CNTLN: variants seen among roughly 807,000 people sequenced by gnomAD.
CNTLN encodes the protein centlein, centrosomal protein.
In CNTLN, 212 loss-of-function variants were observed where a neutral mutation model predicts 180.0. The ratio of observed to expected loss-of-function variants is 1.18; its 90% CI spans 1.05 to 1.32. CNTLN has a LOEUF of 1.32. Ranked by LOEUF, CNTLN falls within the 40% of genes most tolerant of loss-of-function variation. The pLI is 0.00. For synonymous variants in CNTLN, 722 were observed against 563.1 expected, an observed-to-expected ratio of 1.28 and a Z score of -3.99; for missense variants, 2,095 against 1,610.9, an observed-to-expected ratio of 1.30 and a Z score of -5.14.
rs1828185413 is a variant in CNTLN at position 17,415,886 on chromosome 9, G to A, written c.2890+5G>A. ...ATACAGCAGTTCCTACTAGAGGTAA[G>A]AATGTATATGCAATTAACAATATGT... On this transcript the variant is annotated splice_donor_5th_base_variant and intron_variant, in intron 17 of 25. Transcript: ENST00000380647. 6.3e-7 allele frequency: 1 copy of A among 1,598,878 alleles called. No individual in the cohort carries two copies. Among genetic ancestry groups the A allele is most frequent in the South Asian group, 1.1e-5 (1 of 89,212 alleles).
At chr9:17,145,782 T>G (rs1818414981) in intron 2 of CNTLN, among the ~76,000 whole-genome samples, 1 of 152,242 alleles carries the variant, frequency 6.6e-6, no homozygotes, top group African/African-American at 2.4e-5. Flanking sequence ...GATGCCAGAT[T>G]ATCCGTTTCT....
At chr9:17,526,138 T>G in the CNTLN span, among the ~76,000 whole-genome samples, 28 of 152,234 alleles carry the variant, frequency 1.8e-4, no homozygotes, top group African/African-American at 6.7e-4. Flanking sequence ...GATTTCACCA[T>G]GTTATCCAGG....
At position 17,384,204 on chromosome 9, in the gene CNTLN, G is replaced by A. The variant is rs1181474366; in HGVS notation, c.1988-3958G>A. 2.0e-5 allele frequency among the ~76,000 whole-genome samples: 3 copies of A among 151,408 alleles called. No homozygotes were observed. The East Asian group carries it at 5.8e-4, about 30-fold the overall frequency. Reference sequence around the variant, plus strand: ...ATTCATCCAGCGAGCTAATAGGATCGAGTTCATCAAGTCCCCAGCTTAAAG... The same window carrying A: ...ATTCATCCAGCGAGCTAATAGGATCAAGTTCATCAAGTCCCCAGCTTAAAG... On this transcript the variant is annotated intron_variant, in intron 13 of 25. Coordinates refer to ENST00000380647, the MANE Select transcript of CNTLN (RefSeq NM_017738.4).
chr9:17,405,326 C>CA (rs1023356911), intron 15 of CNTLN, among the ~76,000 whole-genome samples: 1 of 151,574 alleles, frequency 6.6e-6, no homozygotes, highest in African/African-American at 2.4e-5. Flanking sequence ...ACAACACACA[C>CA]AAAAAAATAC....
intron 2 of CNTLN, among the ~76,000 whole-genome samples, chr9:17,187,068 C>G (rs539203004): frequency 6.6e-6 from 1 of 152,168 alleles, no homozygotes; most frequent in South Asian, 2.1e-4. Context: ...GACCCCTGAT[C>G]TACCTGCATT....
intron 19 of CNTLN, among the ~76,000 whole-genome samples, chr9:17,459,614 A>G (rs1296224820): frequency 6.6e-6 from 1 of 151,790 alleles, no homozygotes; most frequent in African/African-American, 2.4e-5. Context: ...GTTATCTTAA[A>G]TAGCAAACGT....
chr9:17,183,838 A>G (rs933544595), intron 2 of CNTLN, among the ~76,000 whole-genome samples: 2 of 152,194 alleles, frequency 1.3e-5, no homozygotes, highest in African/African-American at 2.4e-5. Flanking sequence ...AGGCATTTCT[A>G]ATTTGCATAG....
chr9:17,183,163 G>A (rs1360085437), intron 2 of CNTLN, among the ~76,000 whole-genome samples: 2 of 152,010 alleles, frequency 1.3e-5, no homozygotes, highest in Non-Finnish European at 2.9e-5. Flanking sequence ...CTTCAAGTTT[G>A]GTCATCAGGA....
rs1038225087 is a variant in CNTLN at position 17,298,185 on chromosome 9, C to T, written c.984-5C>T. 15 of 1,452,626 alleles carry T rather than the reference C, an allele frequency of 1.0e-5. No individual in the cohort carries two copies. Among genetic ancestry groups the T allele is most frequent in the Non-Finnish European group, 1.1e-5 (12 of 1,098,060 alleles). The allele number at this position is 1,452,626 out of a possible 1,614,324, so 90.0% of individuals were successfully genotyped here. On this transcript the variant is annotated splice_region_variant and splice_polypyrimidine_tract_variant and intron_variant, in intron 6 of 25. Coordinates refer to ENST00000380647, the MANE Select transcript of CNTLN (RefSeq NM_017738.4). ...TTTTCTCTATTTATTGCTTGCTTTG[C>T]ACAGGAAGGAACTGCAGGAGCTGCA... is the stretch of plus-strand genomic sequence containing the variant.
intron 18 of CNTLN, among the ~76,000 whole-genome samples, chr9:17,427,204 C>T (rs1829142999): frequency 1.3e-5 from 2 of 152,004 alleles, no homozygotes; most frequent in African/African-American, 4.8e-5. Context: ...TGCTACCGAA[C>T]CTCCAGTCAC....
chr9:17,259,358 G>T (rs1399982769), intron 5 of CNTLN, among the ~76,000 whole-genome samples: 3 of 130,716 alleles, frequency 2.3e-5, no homozygotes, highest in Non-Finnish European at 3.3e-5. Flanking sequence ...TTTTTGATGT[G>T]CTGCTGGATT....
chr9:17,217,804 A>T (rs942317278), intron 2 of CNTLN, among the ~76,000 whole-genome samples: 1 of 152,252 alleles, frequency 6.6e-6, no homozygotes, highest in Non-Finnish European at 1.5e-5. Flanking sequence ...AAAGAGATGA[A>T]ATATAAGAAA....
rs202225764 is a variant in CNTLN, at chr9:17,284,575, T to C, written c.983+10709T>C. Among the ~76,000 whole-genome samples the C allele has an allele frequency of 2.6e-5, 4 of 152,124 alleles. No individual in the cohort carries two copies. In the East Asian group the frequency reaches 7.7e-4, roughly 29 times the overall value. On this transcript the variant is annotated intron_variant, in intron 6 of 25. Transcript: ENST00000380647. ...GGTATTTATAGTATTATCTGAAGGT[T>C]GTTTGTATTTCTGTGGGGTCAGTGG...
chr9:17,317,040 GT>G (rs550773715), intron 8 of CNTLN, among the ~76,000 whole-genome samples: 2,359 of 150,664 alleles, frequency 0.016, 63 homozygotes, highest in African/African-American at 0.055. Flanking sequence ...AGAAAAAAGT[GT>G]TTTTTTTTTT....
chr9:17,266,165 T>G (rs56719605), intron 5 of CNTLN, among the ~76,000 whole-genome samples: 26,417 of 151,478 alleles, frequency 0.17, 2,610 homozygotes, highest in South Asian at 0.28. Flanking sequence ...GCTTTCTCTT[T>G]TGGGCATTTA....
intron 6 of CNTLN, among the ~76,000 whole-genome samples, chr9:17,296,293 C>G (rs972597144): frequency 3.3e-5 from 5 of 152,074 alleles, no homozygotes; most frequent in Non-Finnish European, 5.9e-5. Flanking sequence ...GCTGGGATTA[C>G]AGGTGTGAGC....
intron 13 of CNTLN, among the ~76,000 whole-genome samples, chr9:17,376,052 C>T (rs370536917): frequency 2.0e-5 from 3 of 152,178 alleles, no homozygotes; most frequent in African/African-American, 4.8e-5. Flanking sequence ...CTCCAATGCT[C>T]GCATTCAGGT....
intron 5 of CNTLN, among the ~76,000 whole-genome samples, chr9:17,257,298 A>T (rs1296814177): frequency 1.3e-5 from 2 of 152,148 alleles, no homozygotes; most frequent in Non-Finnish European, 2.9e-5. Flanking sequence ...CCTACAAAGG[A>T]CATGAACTCA....
intron 18 of CNTLN, among the ~76,000 whole-genome samples, chr9:17,418,337 G>A (rs1828426458): frequency 6.6e-6 from 1 of 151,882 alleles, no homozygotes; most frequent in Non-Finnish European, 1.5e-5. Context: ...ACTAAACTTA[G>A]AATTCTCTAC....
Sources: gnomAD v4.1 joint callset for allele counts (sites outside exome capture counted in the v4.1 genomes callset) on GRCh38, gnomAD v4.1.1 for gene constraint, MANE v1.5 for transcripts, NCBI Gene and HGNC (gene_info 2026-07-23, HGNC 2026-07-21) for gene names.